GNB4: variants seen among roughly 807,000 people sequenced by gnomAD.
GNB4 encodes the protein guanine nucleotide-binding protein subunit beta-4.
GNB4 carries 28 observed loss-of-function variants against 45.2 expected under a neutral mutation model. That is an observed-to-expected ratio of 0.62 (90% CI 0.46 to 0.85). GNB4 has a LOEUF of 0.85. GNB4 is among the 40% of genes least tolerant of loss of function. GNB4 has a pLI of 0.00. For synonymous variants in GNB4, 132 were observed against 143.7 expected (o/e 0.92, Z 0.58); for missense variants, 321 against 425.4 (o/e 0.75, Z 2.16).
intron 2 of GNB4, among the ~76,000 whole-genome samples, chr3:179,425,620 A>ATG (rs1715121004): frequency 6.6e-6 from 1 of 151,152 alleles, no homozygotes; most frequent in Admixed American, 6.6e-5. Context: ...ACAGGTGTGC[A>ATG]CCACCACGCC....
rs1006536966 is a variant in GNB4, at chr3:179,418,330, C to T, written c.203+1069G>A. 4.6e-5 allele frequency among the ~76,000 whole-genome samples: 7 copies of T among 151,542 alleles called. No homozygotes were observed. In the South Asian group the frequency reaches 8.3e-4, roughly 18 times the overall value. ...ACTAAAAATACAAAAATTAGTCAGGCGTGGTTGTGGATGTCTGTAATCCCA... is the reference window on the plus strand; with the variant it reads ...ACTAAAAATACAAAAATTAGTCAGGTGTGGTTGTGGATGTCTGTAATCCCA... On this transcript the variant is annotated intron_variant, in intron 4 of 9. Coordinates refer to ENST00000232564, the MANE Select transcript of GNB4 (RefSeq NM_021629.4).
the GNB4 span, among the ~76,000 whole-genome samples, chr3:179,503,159 C>T: frequency 6.6e-6 from 1 of 152,196 alleles, no homozygotes. Context: ...AAGATTTGTA[C>T]ATTCCACTGT....
the GNB4 span, among the ~76,000 whole-genome samples, chr3:179,493,926 C>T: frequency 6.6e-6 from 1 of 152,170 alleles, no homozygotes; most frequent in Admixed American, 6.5e-5. Flanking sequence ...CTTTTCCCTA[C>T]AAGAGGTCCA....
At chr3:179,496,353 A>G in the GNB4 span, among the ~76,000 whole-genome samples, 2 of 152,184 alleles carry the variant, frequency 1.3e-5, no homozygotes, top group African/African-American at 4.8e-5. Context: ...AGAGCATATC[A>G]CTAGAAAAAA....
At position 179,413,606 on chromosome 3, in the gene GNB4, A is replaced by G; in HGVS notation, c.505T>C (p.Trp169Arg). Residue 169 changes from tryptophan (W) to arginine (R), a missense_variant, in exon 8 of 10, where the codon TGG becomes CGG. Physicochemically the swap from Trp to Arg is moderately radical, Grantham distance 101 (BLOSUM62 -3). Coordinates refer to ENST00000232564, the MANE Select transcript of GNB4 (RefSeq NM_021629.4). ...TSSGDTTCAL[W>R]DIETAQQTTT... Reference sequence around the variant, plus strand: ...GTCTGCTGGGCAGTTTCGATGTCCCATAAAGCACTGTAATTAAAAACAAAA... The same window carrying G: ...GTCTGCTGGGCAGTTTCGATGTCCCGTAAAGCACTGTAATTAAAAACAAAA... The G allele has an allele frequency of 2.5e-6, 4 of 1,614,138 alleles. No individual in the cohort carries two copies. Among genetic ancestry groups the G allele is most frequent in the Non-Finnish European group, 3.4e-6 (4 of 1,179,984 alleles).
chr3:179,473,256 C>A, the GNB4 span, among the ~76,000 whole-genome samples: 1 of 151,514 alleles, frequency 6.6e-6, no homozygotes, highest in Non-Finnish European at 1.5e-5. Context: ...TAATTCTTTC[C>A]AAGGTCAAAA....
At chr3:179,517,908 G>A in the GNB4 span, among the ~76,000 whole-genome samples, 4 of 152,238 alleles carry the variant, frequency 2.6e-5, no homozygotes, top group Middle Eastern at 3.4e-3. Flanking sequence ...ATGTGGGGAC[G>A]CCTGCCTTGG....
intron 3 of GNB4, 68 bp downstream of exon 3, chr3:179,420,821 G>T: frequency 1.1e-6 from 1 of 935,670 alleles, no homozygotes; most frequent in Non-Finnish European, 1.7e-6. Context: ...GAATCTGAAT[G>T]TCATTTGCCT....
the GNB4 span, among the ~76,000 whole-genome samples, chr3:179,515,725 C>T: frequency 3.3e-5 from 5 of 151,806 alleles, no homozygotes; most frequent in Admixed American, 6.6e-5. Context: ...AGAAAAATAA[C>T]GTAAAATAGT....
chr3:179,516,173 A>G, the GNB4 span, among the ~76,000 whole-genome samples: 1 of 152,184 alleles, frequency 6.6e-6, no homozygotes, highest in Non-Finnish European at 1.5e-5. Flanking sequence ...TTAAAAGACC[A>G]TTAGTCCATT....
At chr3:179,461,133 G>A in the GNB4 span, among the ~76,000 whole-genome samples, 1 of 152,086 alleles carries the variant, frequency 6.6e-6, no homozygotes, top group Non-Finnish European at 1.5e-5. Context: ...TCCTTGGCCT[G>A]CGTCTTGGGC....
chr3:179,464,985 A>C, the GNB4 span: 10 of 1,539,162 alleles, frequency 6.5e-6, no homozygotes, highest in South Asian at 1.1e-4. Flanking sequence ...ATGTTACTGC[A>C]CACAGATGGG....
chr3:179,523,749 G>A, the GNB4 span, among the ~76,000 whole-genome samples: 1 of 152,072 alleles, frequency 6.6e-6, no homozygotes, highest in Non-Finnish European at 1.5e-5. Context: ...GCCACGGAGG[G>A]AGTAGAGGGG....
rs1427496211 is a variant in GNB4 at position 179,397,934 on chromosome 3, T to C, written c.*3279A>G. On this transcript the variant is annotated 3_prime_UTR_variant, in exon 10 of 10. Coordinates refer to ENST00000232564, the MANE Select transcript of GNB4 (RefSeq NM_021629.4). ...TTAGTAGAGATGGGGTTTCACCATC[T>C]TGGCCAGGCTGGTCTTGAACTCCTG... The C allele has an allele frequency of 6.6e-6, 1 of 151,850 alleles. No individual in the cohort carries two copies. The highest frequency in any genetic ancestry group is 1.5e-5 in the Non-Finnish European group (1 of 68,008). The allele number at this position is 151,850 out of a possible 1,614,324, so 9.4% of individuals were successfully genotyped here.
In GNB4 at chr3:179,396,564, T is replaced by G. The variant is rs1223150656; in HGVS notation, c.*4649A>C. ...TAATTAAGAAATAAATACTGTATGATGTAAGATTTTGTTGAATACATTTAA... is the reference window on the plus strand; with the variant it reads ...TAATTAAGAAATAAATACTGTATGAGGTAAGATTTTGTTGAATACATTTAA... On this transcript the variant is annotated 3_prime_UTR_variant, in exon 10 of 10. Coordinates refer to ENST00000232564, the MANE Select transcript of GNB4 (RefSeq NM_021629.4). The G allele has an allele frequency of 6.6e-6, 1 of 152,232 alleles. No individual in the cohort carries two copies. The highest frequency in any genetic ancestry group is 1.5e-5 in the Non-Finnish European group (1 of 68,042). The allele number at this position is 152,232 out of a possible 1,614,324, so 9.4% of individuals were successfully genotyped here.
the GNB4 span, among the ~76,000 whole-genome samples, chr3:179,510,579 A>G: frequency 6.6e-6 from 1 of 151,426 alleles, no homozygotes; most frequent in Non-Finnish European, 1.5e-5. Flanking sequence ...ATGCCTCCCC[A>G]GAATGGGCTT....
chr3:179,466,474 G>C, the GNB4 span, among the ~76,000 whole-genome samples: 1 of 152,154 alleles, frequency 6.6e-6, no homozygotes, highest in Admixed American at 6.5e-5. Context: ...CAGTTGAATT[G>C]ACCTACCTCC....
chr3:179,421,656 A>C (rs116555463), intron 2 of GNB4, among the ~76,000 whole-genome samples: 1,824 of 152,334 alleles, frequency 0.012, 30 homozygotes, highest in African/African-American at 0.042. Flanking sequence ...CAAATGGACA[A>C]CTTGTTCCAG....
the GNB4 span, among the ~76,000 whole-genome samples, chr3:179,481,385 C>T: frequency 6.6e-6 from 1 of 152,136 alleles, no homozygotes; most frequent in Non-Finnish European, 1.5e-5. Flanking sequence ...TCAGAGCTCA[C>T]TTCAGCCTCT....
Sources: allele counts gnomAD v4.1 joint callset (sites outside exome capture counted in the v4.1 genomes callset), GRCh38; gene constraint gnomAD v4.1.1; transcripts MANE v1.5; gene names NCBI Gene and HGNC (gene_info 2026-07-23, HGNC 2026-07-21).